SGCZ: variants seen among roughly 807,000 people sequenced by gnomAD.
The protein encoded by SGCZ is zeta-sarcoglycan.
SGCZ carries 40 observed loss-of-function variants against 41.3 expected under a neutral mutation model. The observed-to-expected ratio is 0.97, with a 90% CI of 0.75 to 1.26. The LOEUF (loss-of-function observed/expected upper bound fraction) is 1.26. Ranked by LOEUF, SGCZ falls within the 50% of genes most tolerant of loss-of-function variation. The pLI, the probability that SGCZ is intolerant of heterozygous loss-of-function variation, is 0.00. For synonymous variants in SGCZ, 206 were observed against 137.5 expected (o/e 1.50, Z -3.49); for missense variants, 552 against 369.8 (o/e 1.49, Z -4.04).
At position 15,010,893 on chromosome 8, in the gene SGCZ, T is replaced by A. The variant is rs1447924868; in HGVS notation, c.39+226692A>T. Among the ~76,000 whole-genome samples the A allele has an allele frequency of 3.3e-5, 5 of 152,166 alleles. No homozygotes were observed. The East Asian group carries it at 9.7e-4, about 29-fold the overall frequency. On this transcript the variant is annotated intron_variant, in intron 1 of 7. Transcript: ENST00000382080. Reference sequence around the variant, plus strand: ...TTGCACAGATGCTGCTCCCTATACATTGTAATCCTTCAAACTTTAGATCCC... The same window carrying A: ...TTGCACAGATGCTGCTCCCTATACAATGTAATCCTTCAAACTTTAGATCCC...
chr8:14,732,131 T>C (rs764774426), intron 1 of SGCZ, among the ~76,000 whole-genome samples: 1 of 152,214 alleles, frequency 6.6e-6, no homozygotes, highest in Non-Finnish European at 1.5e-5. Context: ...ATTATTTAAG[T>C]GATAACAGGA....
chr8:14,708,640 A>C (rs1809407986), intron 1 of SGCZ, among the ~76,000 whole-genome samples: 1 of 152,170 alleles, frequency 6.6e-6, no homozygotes, highest in African/African-American at 2.4e-5. Context: ...TCAGTTTGAA[A>C]AAAATTGACA....
At chr8:14,124,239 A>T (rs932779325) in intron 5 of SGCZ, among the ~76,000 whole-genome samples, 3 of 152,164 alleles carry the variant, frequency 2.0e-5, no homozygotes, top group Admixed American at 6.6e-5. Context: ...TAGGCAGTCC[A>T]TTCGAGCTTG....
intron 6 of SGCZ, among the ~76,000 whole-genome samples, chr8:14,102,927 T>G (rs766885664): frequency 6.6e-6 from 1 of 152,178 alleles, no homozygotes; most frequent in African/African-American, 2.4e-5. Context: ...ATATATGTAT[T>G]CCTCAATAAA....
intron 1 of SGCZ, among the ~76,000 whole-genome samples, chr8:14,905,121 A>T (rs920551709): frequency 6.6e-6 from 1 of 152,062 alleles, no homozygotes; most frequent in Non-Finnish European, 1.5e-5. Context: ...TTGATGAATT[A>T]TATTTCTTCA....
At chr8:14,116,629 T>G (rs1281938151) in intron 5 of SGCZ, among the ~76,000 whole-genome samples, 1 of 152,118 alleles carries the variant, frequency 6.6e-6, no homozygotes, top group Non-Finnish European at 1.5e-5. Context: ...TCTTCATCTT[T>G]TTTGTTTCTG....
At chr8:15,216,345 G>A (rs1478263748) in intron 1 of SGCZ, among the ~76,000 whole-genome samples, 5 of 147,770 alleles carry the variant, frequency 3.4e-5, no homozygotes, top group Non-Finnish European at 5.9e-5. Flanking sequence ...TCAGCCTCCC[G>A]AGTAGCTGGG....
intron 1 of SGCZ, among the ~76,000 whole-genome samples, chr8:14,651,345 T>A (rs1027038814): frequency 6.6e-6 from 1 of 152,140 alleles, no homozygotes; most frequent in Admixed American, 6.6e-5. Context: ...TTTCAAATCA[T>A]ATTTTACTGT....
intron 1 of SGCZ, among the ~76,000 whole-genome samples, chr8:14,864,504 T>G (rs924944492): frequency 3.3e-5 from 5 of 152,192 alleles, no homozygotes; most frequent in African/African-American, 1.2e-4. Flanking sequence ...TTCTTTGGAA[T>G]AAATTAATGT....
intron 1 of SGCZ, among the ~76,000 whole-genome samples, chr8:14,932,472 G>A (rs966363104): frequency 2.6e-5 from 4 of 151,916 alleles, no homozygotes; most frequent in Admixed American, 6.6e-5. Flanking sequence ...TGGTGCATTC[G>A]TTCTGTGTAA....
intron 2 of SGCZ, among the ~76,000 whole-genome samples, chr8:14,380,198 C>G (rs1804307327): frequency 6.6e-6 from 1 of 152,114 alleles, no homozygotes; most frequent in African/African-American, 2.4e-5. Context: ...ATTCACATGT[C>G]AACTTATTTG....
chr8:14,133,005 A>T (rs894713413), intron 5 of SGCZ, among the ~76,000 whole-genome samples: 10 of 152,184 alleles, frequency 6.6e-5, no homozygotes, highest in Non-Finnish European at 1.2e-4. Flanking sequence ...GAGCTGTAAC[A>T]ATAAAAAAAA....
chr8:15,098,058 G>A (rs894059434), intron 1 of SGCZ, among the ~76,000 whole-genome samples: 7 of 151,500 alleles, frequency 4.6e-5, no homozygotes, highest in African/African-American at 1.5e-4. Flanking sequence ...TTTAACTCAC[G>A]ACTTGGAAAC....
At chr8:14,261,167 G>T (rs1799653275) in intron 3 of SGCZ, among the ~76,000 whole-genome samples, 1 of 152,012 alleles carries the variant, frequency 6.6e-6, no homozygotes, top group African/African-American at 2.4e-5. Flanking sequence ...TCAAACCACT[G>T]GATATCTTGC....
intron 1 of SGCZ, among the ~76,000 whole-genome samples, chr8:14,656,314 C>T (rs1807566398): frequency 6.6e-6 from 1 of 151,338 alleles, no homozygotes; most frequent in Admixed American, 6.6e-5. Context: ...TGTTACAGCC[C>T]TCCTTCCTCC....
intron 1 of SGCZ, among the ~76,000 whole-genome samples, chr8:15,194,709 C>T (rs1465478211): frequency 6.6e-6 from 1 of 152,032 alleles, no homozygotes; most frequent in Non-Finnish European, 1.5e-5. Context: ...TGGAGGAGGA[C>T]CATAAGCCAG....
intron 3 of SGCZ, among the ~76,000 whole-genome samples, chr8:14,249,626 G>T (rs926706556): frequency 6.6e-5 from 10 of 152,080 alleles, no homozygotes; most frequent in African/African-American, 1.2e-4. Flanking sequence ...CTATATCTGA[G>T]AAGGCAATAC....
intron 1 of SGCZ, among the ~76,000 whole-genome samples, chr8:14,995,078 G>A (rs957305813): frequency 6.6e-6 from 1 of 152,264 alleles, no homozygotes; most frequent in African/African-American, 2.4e-5. Context: ...TTGAAGTCCA[G>A]GGAGGTCTCT....
intron 4 of SGCZ, among the ~76,000 whole-genome samples, chr8:14,227,748 A>G (rs1051510809): frequency 6.6e-6 from 1 of 151,982 alleles, no homozygotes; most frequent in East Asian, 1.9e-4. Flanking sequence ...GCTGGGGTTC[A>G]TTTTCTCCTC....
Sources: gnomAD v4.1 joint callset for allele counts (sites outside exome capture counted in the v4.1 genomes callset) on GRCh38, gnomAD v4.1.1 for gene constraint, MANE v1.5 for transcripts, NCBI Gene and HGNC (gene_info 2026-07-23, HGNC 2026-07-21) for gene names.